RAB14: variants seen among roughly 807,000 people sequenced by gnomAD.
The protein encoded by RAB14 is RAB14, member RAS oncogene family, also known as ras-related protein Rab-14.
Under a neutral mutation model 31.1 loss-of-function variants are expected in RAB14, and 3 were observed. That is an observed-to-expected ratio of 0.10 (90% CI 0.04 to 0.25). The LOEUF (loss-of-function observed/expected upper bound fraction) is 0.25. Among genes scored for constraint, RAB14 ranks in the 10% least tolerant of loss-of-function variants. The pLI, the probability that RAB14 is intolerant of heterozygous loss-of-function variation, is 1.00. For synonymous variants in RAB14, 85 were observed against 84.9 expected, an observed-to-expected ratio of 1.00 and a Z score of 0.00; for missense variants, 111 against 260.1, an observed-to-expected ratio of 0.43 and a Z score of 3.94.
At chr9:121,190,811 A>T in intron 3 of RAB14, 80 bp from the exon 4 acceptor site, 1 of 1,381,658 alleles carries the variant, frequency 7.2e-7, no homozygotes, top group Non-Finnish European at 1.0e-6. Context: ...TCCACTAAAT[A>T]AGCAAATGGC....
chr9:121,192,881 T>C (rs924128886), intron 2 of RAB14, among the ~76,000 whole-genome samples: 4 of 152,066 alleles, frequency 2.6e-5, no homozygotes, highest in African/African-American at 7.2e-5. Flanking sequence ...TTTGGATAAA[T>C]AGCATTAAGA....
intron 5 of RAB14, among the ~76,000 whole-genome samples, chr9:121,183,632 T>C (rs899535306): frequency 2.6e-5 from 4 of 152,206 alleles, no homozygotes; most frequent in Admixed American, 1.3e-4. Flanking sequence ...GAATAAATAC[T>C]ATATTCTTCA....
At chr9:121,185,020 A>C (rs553777100) in intron 5 of RAB14, among the ~76,000 whole-genome samples, 1 of 152,350 alleles carries the variant, frequency 6.6e-6, no homozygotes, top group East Asian at 1.9e-4. Context: ...ACATGCCCAC[A>C]ACAAAATGGT....
chr9:121,199,258 A>C (rs574296325), intron 1 of RAB14, among the ~76,000 whole-genome samples: 2 of 152,238 alleles, frequency 1.3e-5, no homozygotes, highest in African/African-American at 4.8e-5. Context: ...ATGAAGCAAG[A>C]CTGATCACTG....
chr9:121,184,248 T>C (rs10985174), intron 5 of RAB14, among the ~76,000 whole-genome samples: 3,601 of 152,156 alleles, frequency 0.024, 59 homozygotes, highest in Middle Eastern at 0.058. Flanking sequence ...GAGTAGGGGT[T>C]TGGGGGCACG....
chr9:121,193,569 C>A, intron 1 of RAB14, 150 bp from the exon 2 acceptor site: 1 of 587,554 alleles, frequency 1.7e-6, no homozygotes, highest in South Asian at 2.1e-5. Flanking sequence ...ATTTCACAAA[C>A]TGATCAAATA....
chr9:121,198,169 G>A, intron 1 of RAB14, among the ~76,000 whole-genome samples: 1 of 151,144 alleles, frequency 6.6e-6, no homozygotes, highest in East Asian at 1.9e-4. Context: ...TTACTATAAT[G>A]AATTAAAAAT....
At chr9:121,193,315 T>C (rs1347910829) in intron 2 of RAB14, 46 bp downstream of exon 2, 3 of 1,321,142 alleles carry the variant, frequency 2.3e-6, no homozygotes, top group African/African-American at 1.5e-5. Flanking sequence ...ATATTTTGTA[T>C]GTTAACCTTC....
At chr9:121,195,616 T>C (rs2053711108) in intron 1 of RAB14, among the ~76,000 whole-genome samples, 1 of 152,136 alleles carries the variant, frequency 6.6e-6, no homozygotes, top group South Asian at 2.1e-4. Flanking sequence ...GTAGAAACTA[T>C]TTCCAAATAA....
intron 2 of RAB14, among the ~76,000 whole-genome samples, chr9:121,192,604 T>C (rs927809689): frequency 1.3e-5 from 2 of 152,114 alleles, no homozygotes; most frequent in African/African-American, 4.8e-5. Flanking sequence ...TGGGGTAGCA[T>C]GTAACAAGCA....
chr9:121,192,975 T>C (rs1331324963), intron 2 of RAB14, among the ~76,000 whole-genome samples: 3 of 152,176 alleles, frequency 2.0e-5, no homozygotes, highest in Non-Finnish European at 2.9e-5. Flanking sequence ...TATTACACAA[T>C]TGATTTGGAA....
chr9:121,192,310 T>C (rs2053691388), intron 2 of RAB14, 86 bp from the exon 3 acceptor site: 1 of 955,028 alleles, frequency 1.0e-6, no homozygotes, highest in Non-Finnish European at 1.5e-6. Context: ...ATATAACATA[T>C]CACAAGTTTC....
At chr9:121,189,597 T>A (rs2053675871) in intron 4 of RAB14, among the ~76,000 whole-genome samples, 1 of 152,158 alleles carries the variant, frequency 6.6e-6, no homozygotes. Flanking sequence ...TTTCCCAAAG[T>A]GTGTTCCTCA....
chr9:121,180,915 AAAC>A lies in RAB14; in HGVS notation c.*478_*480del, dbSNP rs1472705290. 1.3e-5 allele frequency: 2 copies of A among 152,814 alleles called. No homozygotes were observed. Among genetic ancestry groups the A allele is most frequent in the African/African-American group, 2.4e-5 (1 of 41,454 alleles). The allele number at this position is 152,814 out of a possible 1,614,324, so 9.5% of individuals were successfully genotyped here. Reference sequence around the variant, plus strand: ...CACAACAGGAAATTTATCCAAAACAAAACAAAAGCAGTTATAGAACCCCTTCTC... The same window carrying A: ...CACAACAGGAAATTTATCCAAAACAAAAAAGCAGTTATAGAACCCCTTCTC... On this transcript the variant is annotated 3_prime_UTR_variant, in exon 8 of 8. Coordinates refer to ENST00000373840, the MANE Select transcript of RAB14 (RefSeq NM_016322.4).
intron 2 of RAB14, 68 bp downstream of exon 2, chr9:121,193,286 TTTAAGTA>T: frequency 2.0e-6 from 2 of 996,800 alleles, no homozygotes; most frequent in African/African-American, 1.7e-5. Context: ...AGTGGTACTG[TTTAAGTA>T]TTAACATATA....
chr9:121,194,911 A>C (rs1014878434), intron 1 of RAB14, among the ~76,000 whole-genome samples: 4 of 152,178 alleles, frequency 2.6e-5, no homozygotes, highest in Admixed American at 6.5e-5. Flanking sequence ...TATTACATTT[A>C]GTGAAAGTAG....
intron 3 of RAB14, among the ~76,000 whole-genome samples, chr9:121,191,957 C>A (rs1456785274): frequency 1.3e-5 from 2 of 151,732 alleles, no homozygotes; most frequent in African/African-American, 4.8e-5. Context: ...ATCAAGAAAT[C>A]AAAACAAGCA....
In RAB14 at chr9:121,181,420, G is replaced by C; in HGVS notation, c.624C>G (p.Pro208=). 6.2e-7 allele frequency: 1 copy of C among 1,607,066 alleles called. No homozygotes were observed. Reference sequence around the variant, plus strand: ...ACTAGCAGCCACAGCCTTCTCTCTGGGGTTGGGGTTCACTGGTTAGCCGGC... The same window carrying C: ...ACTAGCAGCCACAGCCTTCTCTCTGCGGTTGGGGTTCACTGGTTAGCCGGC... ...QGGRLTSEPQ[P]QREGCGC Residue 208 remains proline (P), a synonymous_variant, in exon 8 of 8, where the codon CCC becomes CCG. Coordinates refer to ENST00000373840, the MANE Select transcript of RAB14 (RefSeq NM_016322.4).
intron 1 of RAB14, among the ~76,000 whole-genome samples, chr9:121,197,195 A>G (rs1036766779): frequency 2.6e-5 from 4 of 152,336 alleles, no homozygotes; most frequent in Non-Finnish European, 4.4e-5. Flanking sequence ...AGAAATATTT[A>G]CTAAATGCAT....
Sources: gnomAD v4.1 joint callset for allele counts (sites outside exome capture counted in the v4.1 genomes callset) on GRCh38, gnomAD v4.1.1 for gene constraint, MANE v1.5 for transcripts, NCBI Gene and HGNC (gene_info 2026-07-23, HGNC 2026-07-21) for gene names.